Variants in RBFOX1 observed in about 807,000 individuals in gnomAD.
The protein encoded by RBFOX1 is RNA binding protein fox-1 homolog 1.
RBFOX1 carries 8 observed loss-of-function variants against 57.7 expected under a neutral mutation model. That is an observed-to-expected ratio of 0.14 (90% CI 0.08 to 0.25). The LOEUF is 0.25. RBFOX1 is among the 10% of genes least tolerant of loss of function. RBFOX1 has a pLI of 1.00. For synonymous variants in RBFOX1, 326 were observed against 222.4 expected (o/e 1.47, Z -4.15); for missense variants, 611 against 548.5 (o/e 1.11, Z -1.14).
At chr16:6,156,665 A>G (rs1396245828) in intron 1 of RBFOX1, among the ~76,000 whole-genome samples, 1 of 152,008 alleles carries the variant, frequency 6.6e-6, no homozygotes, top group Non-Finnish European at 1.5e-5. Flanking sequence ...TTCCCTCCCC[A>G]CTTCCCAGTG....
chr16:6,622,940 C>G (rs1325148738), intron 2 of RBFOX1, among the ~76,000 whole-genome samples: 1 of 152,196 alleles, frequency 6.6e-6, no homozygotes, highest in Non-Finnish European at 1.5e-5. Flanking sequence ...TTAATTCTCT[C>G]AGGGTCTTCT....
chr16:6,367,921 A>C (rs2089896482), intron 2 of RBFOX1, among the ~76,000 whole-genome samples: 2 of 152,292 alleles, frequency 1.3e-5, no homozygotes, highest in South Asian at 2.1e-4. Context: ...TTCCAACTTA[A>C]CTTTTTGCCC....
chr16:6,385,092 C>G (rs2092152551), intron 2 of RBFOX1, among the ~76,000 whole-genome samples: 1 of 152,188 alleles, frequency 6.6e-6, no homozygotes, highest in South Asian at 2.1e-4. Context: ...CTCAGACTCT[C>G]ATTCACTCTA....
rs1423379342 is a variant in RBFOX1, at chr16:6,652,699, G to A, written c.-63-1904G>A. Among the ~76,000 whole-genome samples the A allele has an allele frequency of 1.1e-4, 16 of 152,276 alleles. No individual in the cohort carries two copies. In the East Asian group the frequency reaches 2.9e-3, roughly 28 times the overall value. ...TTCCTAGCCGACTCATACAATGAGA[G>A]GAGTCTAGAGTAGCAAAATCCACAG... On this transcript the variant is annotated intron_variant, in intron 2 of 15. Coordinates refer to ENST00000550418, the MANE Select transcript of RBFOX1 (RefSeq NM_018723.4).
At chr16:7,539,822 G>T (rs568460904) in intron 5 of RBFOX1, among the ~76,000 whole-genome samples, 2 of 152,300 alleles carry the variant, frequency 1.3e-5, no homozygotes, top group South Asian at 4.1e-4. Context: ...TATCAGAATG[G>T]TAAGAATATA....
chr16:6,485,724 C>A (rs928861034), intron 2 of RBFOX1, among the ~76,000 whole-genome samples: 1 of 152,168 alleles, frequency 6.6e-6, no homozygotes, highest in Non-Finnish European at 1.5e-5. Flanking sequence ...TTTTCTGTTA[C>A]CCCAAATTGA....
At chr16:7,045,556 C>T (rs560503174) in intron 3 of RBFOX1, among the ~76,000 whole-genome samples, 1 of 152,302 alleles carries the variant, frequency 6.6e-6, no homozygotes, top group African/African-American at 2.4e-5. Context: ...CAGTAGGCCC[C>T]CTGGTTCCTT....
intron 1 of RBFOX1, among the ~76,000 whole-genome samples, chr16:5,346,147 C>A (rs569804190): frequency 1.3e-5 from 2 of 152,132 alleles, no homozygotes; most frequent in Non-Finnish European, 2.9e-5. Context: ...CCGTGGAGCT[C>A]CTGGGCTCTG....
intron 4 of RBFOX1, among the ~76,000 whole-genome samples, chr16:7,485,247 C>G (rs1437926039): frequency 6.6e-6 from 1 of 152,182 alleles, no homozygotes; most frequent in Non-Finnish European, 1.5e-5. Flanking sequence ...TGCATGCACA[C>G]ACAGCTGCAC....
At position 6,931,425 on chromosome 16, in the gene RBFOX1, A is replaced by C. The variant is rs145896316; in HGVS notation, c.-15-120632A>C. Among the ~76,000 whole-genome samples, 3 of 152,076 alleles carry C rather than the reference A, an allele frequency of 2.0e-5. No individual in the cohort carries two copies. In the South Asian group the frequency reaches 6.2e-4, roughly 32 times the overall value. On this transcript the variant is annotated intron_variant, in intron 3 of 15. Transcript: ENST00000550418. ...TATGTGTGCATGAACCACTAAAGGC[A>C]TAATAAACGTCTGCTGCCTTGGACC...
At position 7,155,899 on chromosome 16, in the gene RBFOX1, A is replaced by C. The variant is rs9921500; in HGVS notation, c.27+103801A>C. On this transcript the variant is annotated intron_variant, in intron 4 of 15. Transcript: ENST00000550418. ...AATTGGATATAAATTTTATGTCTCTATAACTGGACATTAAATCTCATTCCT... is the reference window on the plus strand; with the variant it reads ...AATTGGATATAAATTTTATGTCTCTCTAACTGGACATTAAATCTCATTCCT... Among the ~76,000 whole-genome samples the C allele has an allele frequency of 1.1e-3, 172 of 151,374 alleles. 1 individual carries two copies. Among genetic ancestry groups the C allele is most frequent in the African/African-American group, 3.7e-3 (153 of 41,154 alleles).
At chr16:5,323,943 G>A (rs986017732) in intron 1 of RBFOX1, among the ~76,000 whole-genome samples, 2 of 152,218 alleles carry the variant, frequency 1.3e-5, no homozygotes, top group African/African-American at 4.8e-5. Context: ...CAGAGACGAT[G>A]TTATTTTTGG....
intron 3 of RBFOX1, among the ~76,000 whole-genome samples, chr16:7,023,865 AT>A (rs1031901664): frequency 1.1e-4 from 16 of 152,050 alleles, no homozygotes; most frequent in African/African-American, 3.9e-4. Context: ...CCCTATATAT[AT>A]TTCCCACAGG....
chr16:6,566,961 A>C (rs983604386), intron 2 of RBFOX1, among the ~76,000 whole-genome samples: 11 of 152,214 alleles, frequency 7.2e-5, no homozygotes, highest in African/African-American at 2.7e-4. Context: ...TACAGACTCT[A>C]AGTTAACTAA....
intron 4 of RBFOX1, among the ~76,000 whole-genome samples, chr16:7,436,189 T>C (rs745909127): frequency 6.6e-5 from 10 of 152,218 alleles, no homozygotes; most frequent in Non-Finnish European, 1.3e-4. Flanking sequence ...TTATATTTTT[T>C]CAGTAGAAGT....
intron 4 of RBFOX1, among the ~76,000 whole-genome samples, chr16:7,070,345 G>C (rs1003178601): frequency 3.9e-5 from 6 of 152,142 alleles, no homozygotes; most frequent in African/African-American, 1.4e-4. Flanking sequence ...AGAGAACATG[G>C]AGGCATGATT....
At chr16:7,413,834 C>A (rs1275643647) in intron 4 of RBFOX1, among the ~76,000 whole-genome samples, 1 of 152,114 alleles carries the variant, frequency 6.6e-6, no homozygotes, top group East Asian at 1.9e-4. Context: ...AACTTGGTTT[C>A]TACCCTATAA....
chr16:5,509,901 C>G (rs2043520945), intron 2 of RBFOX1, among the ~76,000 whole-genome samples: 1 of 152,212 alleles, frequency 6.6e-6, no homozygotes, highest in South Asian at 2.1e-4. Context: ...TGGAGGATCC[C>G]TTGAAGAGAG....
chr16:6,117,344 C>T (rs74004774), intron 1 of RBFOX1, among the ~76,000 whole-genome samples: 37 of 152,348 alleles, frequency 2.4e-4, no homozygotes, highest in African/African-American at 8.7e-4. Flanking sequence ...ACCTTCGTTT[C>T]CAAGTTCATT....
Sources: allele counts gnomAD v4.1 joint callset (sites outside exome capture counted in the v4.1 genomes callset), GRCh38; gene constraint gnomAD v4.1.1; transcripts MANE v1.5; gene names NCBI Gene and HGNC (gene_info 2026-07-23, HGNC 2026-07-21).